The following CLIC2 variants were observed in gnomAD, a reference collection of about 807,000 sequenced individuals.
CLIC2 encodes CLIC family member 2.
CLIC2 carries 9 observed loss-of-function variants against 14.8 expected under a neutral mutation model. The observed-to-expected ratio is 0.61, with a 90% CI of 0.37 to 1.06. The LOEUF (loss-of-function observed/expected upper bound fraction) is 1.06, where lower values mean the gene tolerates loss of function less well. Among genes scored for constraint, CLIC2 ranks in the 50% least tolerant of loss-of-function variants. The probability of loss-of-function intolerance (pLI) is 0.01; values close to 1 mark genes in which losing one functional copy is unlikely to be tolerated. For synonymous variants in CLIC2, 61 were observed against 66.3 expected (o/e 0.92, Z 0.39); for missense variants, 148 against 181.4 (o/e 0.82, Z 1.06).
Position 155,302,433 on chromosome X carries a change from T to C in CLIC2, c.58-3288A>G, listed in dbSNP as rs1280821972. Among the ~76,000 whole-genome samples, 11 of 110,069 alleles carry C rather than the reference T, an allele frequency of 1.0e-4. No individual in the cohort carries two copies. In the East Asian group the frequency reaches 2.6e-3, roughly 26 times the overall value. On this transcript the variant is annotated intron_variant, in intron 1 of 5. Transcript: ENST00000369449. ...GTGGAATCAGTGGTGATATCCCCTT[T>C]ATCATTTTTTATTGCGTCTATTTGA...
intron 3 of CLIC2, among the ~76,000 whole-genome samples, chrX:155,297,127 C>A (rs185700373): frequency 2.5e-4 from 28 of 111,885 alleles, no homozygotes; most frequent in African/African-American, 8.7e-4. Flanking sequence ...TAGTATTCAG[C>A]CATAAAAGAG....
At chrX:155,288,829 A>T (rs782259166) in intron 3 of CLIC2, among the ~76,000 whole-genome samples, 1 of 111,590 alleles carries the variant, frequency 9.0e-6, no homozygotes, top group African/African-American at 3.3e-5. Flanking sequence ...TACATATATT[A>T]CCTTAGATAA....
intron 1 of CLIC2, among the ~76,000 whole-genome samples, chrX:155,312,081 C>T (rs1557320649): frequency 8.9e-6 from 1 of 111,748 alleles, no homozygotes; most frequent in Non-Finnish European, 1.9e-5. Flanking sequence ...CTGAATTCAA[C>T]AACATATTAA....
intron 1 of CLIC2, among the ~76,000 whole-genome samples, chrX:155,314,357 C>G (rs189448497): frequency 2.7e-5 from 3 of 112,642 alleles, no homozygotes; most frequent in African/African-American, 9.7e-5. Flanking sequence ...TCTACCAGAG[C>G]AGGTGCTGGT....
At chrX:155,307,684 A>G (rs1292772878) in intron 1 of CLIC2, among the ~76,000 whole-genome samples, 2 of 111,053 alleles carry the variant, frequency 1.8e-5, no homozygotes, top group Admixed American at 1.9e-4. Flanking sequence ...CAGGGGTTCG[A>G]GACCAGCCTG....
chrX:155,292,144 A>G (rs1425431682), intron 3 of CLIC2: 10 of 565,927 alleles, frequency 1.8e-5, no homozygotes, highest in Non-Finnish European at 6.5e-6. Flanking sequence ...ACAAATGGCC[A>G]CCTGATGAAA....
chrX:155,279,547 G>T (rs187097381), intron 4 of CLIC2, among the ~76,000 whole-genome samples: 1 of 111,669 alleles, frequency 9.0e-6, no homozygotes, highest in Non-Finnish European at 1.9e-5. Context: ...TTTTCTTAGG[G>T]AGGTGCATTG....
At chrX:155,323,205 G>C (rs2075123321) in intron 1 of CLIC2, among the ~76,000 whole-genome samples, 1 of 111,418 alleles carries the variant, frequency 9.0e-6, no homozygotes, top group South Asian at 3.7e-4. Context: ...CCTGACACCA[G>C]AACCTGTCAG....
intron 3 of CLIC2, chrX:155,290,557 T>G (rs1232169393): frequency 9.1e-5 from 54 of 590,278 alleles, no homozygotes; most frequent in Non-Finnish European, 1.3e-4. Flanking sequence ...AGAGGGCTCT[T>G]GCAGCTAGAA....
At chrX:155,283,652 T>G (rs1557316782) in intron 3 of CLIC2, among the ~76,000 whole-genome samples, 1 of 110,918 alleles carries the variant, frequency 9.0e-6, no homozygotes, top group African/African-American at 3.3e-5. Context: ...ACATGCGGTG[T>G]TTGGTTTTTT....
chrX:155,308,916 G>A (rs914079548), intron 1 of CLIC2, among the ~76,000 whole-genome samples: 9 of 111,631 alleles, frequency 8.1e-5, no homozygotes, highest in African/African-American at 2.3e-4. Context: ...GCTAAAGGGA[G>A]TACTTCAATC....
intron 1 of CLIC2, among the ~76,000 whole-genome samples, chrX:155,304,215 C>T (rs1193648211): frequency 9.4e-6 from 1 of 106,217 alleles, no homozygotes; most frequent in Non-Finnish European, 1.9e-5. Flanking sequence ...CTTTCAGGTA[C>T]ACCAATCAGA....
At position 155,334,221 on chromosome X, in the gene CLIC2, C is replaced by G; in HGVS notation, c.57+150G>C. 2.0e-5 allele frequency: 10 copies of G among 508,222 alleles called. No homozygotes were observed. In the South Asian group the frequency reaches 2.0e-4, roughly 10 times the overall value. The allele number at this position is 508,222 out of a possible 1,213,427, so 41.9% of individuals were successfully genotyped here. A position where few individuals can be genotyped will look rare whatever the true frequency, so the allele number is the denominator to read the frequency against. ...TTGTCATCTAAGAACAGTCACACACCCGGGCATTCTTCTAGAACTCAGAGT... is the reference window on the plus strand; with the variant it reads ...TTGTCATCTAAGAACAGTCACACACGCGGGCATTCTTCTAGAACTCAGAGT... On this transcript the variant is annotated intron_variant, in intron 1 of 5. Coordinates refer to ENST00000369449, the MANE Select transcript of CLIC2 (RefSeq NM_001289.6).
intron 3 of CLIC2, among the ~76,000 whole-genome samples, chrX:155,288,258 A>G (rs1238209419): frequency 8.9e-6 from 1 of 112,065 alleles, no homozygotes; most frequent in Non-Finnish European, 1.9e-5. Context: ...ATATAAATTT[A>G]TTGGGAATAT....
In CLIC2 at chrX:155,297,884, A is replaced by AAAAAAAAAAAAAAAAAAAAAAG. The variant is rs1557318527; in HGVS notation, c.293+900_293+901insCTTTTTTTTTTTTTTTTTTTTT. Among the ~76,000 whole-genome samples, 413 of 45,212 alleles carry AAAAAAAAAAAAAAAAAAAAAAG rather than the reference A, an allele frequency of 9.1e-3. 137 individuals carry two copies. Among genetic ancestry groups the AAAAAAAAAAAAAAAAAAAAAAG allele is most frequent in the Non-Finnish European group, 0.014 (285 of 20,615 alleles). 39.3% of individuals were successfully genotyped at this position (45,212 alleles called of 115,157 possible). A position where few individuals can be genotyped will look rare whatever the true frequency, so the allele number is the denominator to read the frequency against. ...TCAAAAAAAAAAAAAAAAAAAAAAA[A>AAAAAAAAAAAAAAAAAAAAAAG]AAGAAGGTGAACCATCAGAGAGACA... is the stretch of plus-strand genomic sequence containing the variant. On this transcript the variant is annotated intron_variant, in intron 3 of 5. Coordinates refer to ENST00000369449, the MANE Select transcript of CLIC2 (RefSeq NM_001289.6).
At chrX:155,310,736 T>C (rs1483140959) in intron 1 of CLIC2, among the ~76,000 whole-genome samples, 1 of 112,568 alleles carries the variant, frequency 8.9e-6, no homozygotes, top group Non-Finnish European at 1.9e-5. Flanking sequence ...AGGTTCTCCA[T>C]GAGGGCCCCA....
In CLIC2 at chrX:155,334,495, T is replaced by C; in HGVS notation, c.-68A>G. ...AGTCCACAATACTTGTAGACTCTTT[T>C]CTCAATTTTATCCAAAGACTCAAGT... On this transcript the variant is annotated 5_prime_UTR_variant, in exon 1 of 6. Coordinates refer to ENST00000369449, the MANE Select transcript of CLIC2 (RefSeq NM_001289.6). 1.1e-6 allele frequency: 1 copy of C among 924,879 alleles called. No individual in the cohort carries two copies. Among genetic ancestry groups the C allele is most frequent in the Non-Finnish European group, 1.6e-6 (1 of 634,828 alleles). The allele number at this position is 924,879 out of a possible 1,213,427, so 76.2% of individuals were successfully genotyped here.
At chrX:155,315,362 G>C (rs947172514) in intron 1 of CLIC2, among the ~76,000 whole-genome samples, 4 of 112,025 alleles carry the variant, frequency 3.6e-5, no homozygotes, top group Non-Finnish European at 7.5e-5. Flanking sequence ...TGAGGAAAAA[G>C]CATCAGGTAA....
chrX:155,291,498 G>T, intron 3 of CLIC2: 1 of 358,521 alleles, frequency 2.8e-6, no homozygotes, highest in Non-Finnish European at 5.0e-6. Context: ...CTATTTAGAT[G>T]CCCTTTATTT....
Sources: allele counts gnomAD v4.1 joint callset (sites outside exome capture counted in the v4.1 genomes callset), GRCh38; gene constraint gnomAD v4.1.1; transcripts MANE v1.5; gene names NCBI Gene and HGNC (gene_info 2026-07-23, HGNC 2026-07-21).